Variants in CLASP1 observed in about 807,000 individuals in gnomAD.
CLASP1 encodes the protein CLIP-associating protein 1.
CLASP1 carries 38 observed loss-of-function variants against 192.3 expected under a neutral mutation model. The ratio of observed to expected loss-of-function variants is 0.20; its 90% CI spans 0.15 to 0.26. CLASP1 has a LOEUF of 0.26. Among genes scored for constraint, CLASP1 ranks in the 10% least tolerant of loss-of-function variants. The probability of loss-of-function intolerance (pLI) is 1.00; values close to 1 mark genes in which losing one functional copy is unlikely to be tolerated. For synonymous variants in CLASP1, 691 were observed against 712.8 expected (o/e 0.97, Z 0.49); for missense variants, 1,433 against 1,932.5 (o/e 0.74, Z 4.85).
chr2:121,612,099 A>G (rs1224306289), intron 1 of CLASP1, among the ~76,000 whole-genome samples: 1 of 133,206 alleles, frequency 7.5e-6, no homozygotes, highest in East Asian at 2.4e-4. Flanking sequence ...TACAGGAGAA[A>G]GAGGAACTGG....
intron 34 of CLASP1, among the ~76,000 whole-genome samples, chr2:121,374,293 G>T (rs1390406367): frequency 6.6e-6 from 1 of 152,252 alleles, no homozygotes; most frequent in Non-Finnish European, 1.5e-5. Context: ...TATGCAGAAG[G>T]CAAGAATTGA....
chr2:121,566,517 A>C (rs977782520), intron 2 of CLASP1, among the ~76,000 whole-genome samples: 4 of 152,238 alleles, frequency 2.6e-5, no homozygotes, highest in Non-Finnish European at 2.9e-5. Context: ...TTTATAAGCA[A>C]AATGCCCAAG....
intron 2 of CLASP1, among the ~76,000 whole-genome samples, chr2:121,579,377 C>T (rs2060892080): frequency 6.6e-6 from 1 of 152,188 alleles, no homozygotes; most frequent in Non-Finnish European, 1.5e-5. Context: ...AAGTGTACAA[C>T]TCCGTAATTT....
At chr2:121,599,294 G>GAAA (rs201508704) in intron 2 of CLASP1, among the ~76,000 whole-genome samples, 4 of 134,670 alleles carry the variant, frequency 3.0e-5, no homozygotes, top group African/African-American at 1.1e-4. Context: ...AGCCCTTAAA[G>GAAA]AAAAAAAAAA....
At chr2:121,545,963 CT>C (rs2057379599) in intron 2 of CLASP1, among the ~76,000 whole-genome samples, 1 of 151,776 alleles carries the variant, frequency 6.6e-6, no homozygotes, top group Non-Finnish European at 1.5e-5. Context: ...AGAATGAGAG[CT>C]TCAAAAACAC....
chr2:121,558,028 C>T (rs1473252127), intron 2 of CLASP1, among the ~76,000 whole-genome samples: 2 of 146,704 alleles, frequency 1.4e-5, no homozygotes, highest in African/African-American at 2.5e-5. Context: ...TGCAGTGAGC[C>T]GAGATTGCAC....
At chr2:121,401,366 G>A in intron 28 of CLASP1, 143 bp downstream of exon 29, 1 of 610,304 alleles carries the variant, frequency 1.6e-6, no homozygotes, top group Non-Finnish European at 2.9e-6. Flanking sequence ...ATGTCAACAA[G>A]TATGTCAACA....
At chr2:121,362,716 A>C (rs1352700919) in intron 37 of CLASP1, among the ~76,000 whole-genome samples, 1 of 152,246 alleles carries the variant, frequency 6.6e-6, no homozygotes, top group African/African-American at 2.4e-5. Flanking sequence ...CCTATTTTAC[A>C]CACAAGGAAA....
At chr2:121,387,692 T>C (rs2073555843) in intron 31 of CLASP1, 71 bp downstream of exon 32, 3 of 1,453,318 alleles carry the variant, frequency 2.1e-6, no homozygotes, top group Admixed American at 1.8e-5. Context: ...TCTATTAGAG[T>C]AGGTTCTAGA....
At chr2:121,521,836 T>C (rs1038982837) in intron 6 of CLASP1, among the ~76,000 whole-genome samples, 2 of 152,144 alleles carry the variant, frequency 1.3e-5, no homozygotes, top group Non-Finnish European at 1.5e-5. Context: ...ACAACACTGA[T>C]ACAACAGTGT....
chr2:121,554,567 C>T (rs913726317), intron 2 of CLASP1, among the ~76,000 whole-genome samples: 1 of 151,818 alleles, frequency 6.6e-6, no homozygotes, highest in Non-Finnish European at 1.5e-5. Flanking sequence ...GAGTTCGTGG[C>T]TGCAGTGAGC....
At chr2:121,594,272 C>T (rs183766053) in intron 2 of CLASP1, among the ~76,000 whole-genome samples, 5,697 of 150,142 alleles carry the variant, frequency 0.038, 153 homozygotes, top group East Asian at 0.14. Flanking sequence ...TGCACTCCAG[C>T]CTGGGCGACA....
intron 5 of CLASP1, 172 bp from the exon 6 acceptor site, chr2:121,526,092 C>A (rs965375481): frequency 3.3e-6 from 2 of 613,894 alleles, no homozygotes; most frequent in Non-Finnish European, 5.8e-6. Context: ...CCGATGGCCC[C>A]TTTGCACAGA....
intron 22 of CLASP1, among the ~76,000 whole-genome samples, chr2:121,424,315 G>A (rs1422178008): frequency 6.6e-6 from 1 of 152,156 alleles, no homozygotes; most frequent in South Asian, 2.1e-4. Context: ...CTAACAAAGT[G>A]CCTGGTACAT....
chr2:121,363,059 T>C, intron 37 of CLASP1, 113 bp downstream of exon 38: 1 of 1,350,810 alleles, frequency 7.4e-7, no homozygotes. Flanking sequence ...CATGGCTGAG[T>C]TCCAAGGAAG....
intron 2 of CLASP1, among the ~76,000 whole-genome samples, chr2:121,546,869 C>T (rs997719082): frequency 6.6e-6 from 1 of 152,148 alleles, no homozygotes; most frequent in Non-Finnish European, 1.5e-5. Flanking sequence ...TAAGCAGGTC[C>T]CTGATCCCAT....
At chr2:121,403,783 A>T (rs372982525) in intron 26 of CLASP1, 78 of 467,948 alleles carry the variant, frequency 1.7e-4, no homozygotes, top group Admixed American at 2.0e-4. Flanking sequence ...GGACTCTCTC[A>T]TCAAAAAAAG....
chr2:121,529,995 G>A (rs2094715635), intron 3 of CLASP1, among the ~76,000 whole-genome samples: 1 of 152,184 alleles, frequency 6.6e-6, no homozygotes, highest in South Asian at 2.1e-4. Flanking sequence ...GGAGGGTAAG[G>A]GCGCCCGCAG....
chr2:121,436,445 C>G (rs929873359), intron 19 of CLASP1, among the ~76,000 whole-genome samples: 3 of 150,490 alleles, frequency 2.0e-5, no homozygotes, highest in African/African-American at 7.3e-5. Flanking sequence ...GAGTCTCACT[C>G]TGTTGCCCAG....
Sources: gnomAD v4.1 joint callset for allele counts (sites outside exome capture counted in the v4.1 genomes callset) on GRCh38, gnomAD v4.1.1 for gene constraint, MANE v1.5 for transcripts, NCBI Gene and HGNC (gene_info 2026-07-23, HGNC 2026-07-21) for gene names.